Variants in GPHN observed in about 807,000 individuals in gnomAD.
The protein encoded by GPHN is gephyrin.
GPHN carries 17 observed loss-of-function variants against 95.5 expected under a neutral mutation model. The ratio of observed to expected loss-of-function variants is 0.18; its 90% CI spans 0.12 to 0.27. The LOEUF (loss-of-function observed/expected upper bound fraction) is 0.27, where lower values mean the gene tolerates loss of function less well. GPHN is among the 10% of genes least tolerant of loss of function. The pLI is 1.00. For missense variants in GPHN, 660 were observed against 978.1 expected (o/e 0.67, Z 4.34); for synonymous variants, 320 against 322.5 (o/e 0.99, Z 0.08).
Position 66,965,280 on chromosome 14 carries a change from T to G in GPHN, c.918T>G (p.Ala306=). 1 of 1,613,620 alleles carries G rather than the reference T, an allele frequency of 6.2e-7. No homozygotes were observed. Among genetic ancestry groups the G allele is most frequent in the Non-Finnish European group, 8.5e-7 (1 of 1,179,640 alleles). ...LSTTPSESPR[A]QATSRLSTAS... is the part of the protein sequence containing the mutation. ...CTACTCCTTCAGAATCGCCTCGTGC[T>G]CAGGCTACATCTCGCCTCTCTACAG... Residue 306 remains alanine, a synonymous_variant, in exon 9 of 23, where the codon GCT becomes GCG. Coordinates refer to ENST00000478722, the MANE Select transcript of GPHN (RefSeq NM_020806.5).
the GPHN span, among the ~76,000 whole-genome samples, chr14:67,523,322 C>CAA: frequency 5.3e-4 from 68 of 128,784 alleles, no homozygotes; most frequent in Admixed American, 1.9e-3. Flanking sequence ...GACTCCATCT[C>CAA]AAAAAAAAAA....
At chr14:67,691,646 T>C in the GPHN span, 1 of 170,928 alleles carries the variant, frequency 5.9e-6, no homozygotes, top group Non-Finnish European at 1.3e-5. Flanking sequence ...AAATACTGGC[T>C]TCACCTCTTT....
intron 9 of GPHN, among the ~76,000 whole-genome samples, chr14:67,019,758 C>T (rs944241347): frequency 6.6e-6 from 1 of 152,086 alleles, no homozygotes; most frequent in Non-Finnish European, 1.5e-5. Flanking sequence ...TCGCAGGGAA[C>T]GGTGATCAAA....
the GPHN span, among the ~76,000 whole-genome samples, chr14:67,388,886 C>A: frequency 1.3e-5 from 2 of 152,004 alleles, no homozygotes; most frequent in African/African-American, 4.8e-5. Context: ...ATCACCTTGG[C>A]CAGGCTGGTC....
chr14:66,792,762 A>T (rs560382004), intron 3 of GPHN, among the ~76,000 whole-genome samples: 4 of 152,176 alleles, frequency 2.6e-5, no homozygotes, highest in Non-Finnish European at 5.9e-5. Context: ...AAATATAGAG[A>T]TGTGAAGTGG....
intron 8 of GPHN, among the ~76,000 whole-genome samples, chr14:66,944,217 A>G (rs1028211949): frequency 2.0e-5 from 3 of 152,236 alleles, no homozygotes; most frequent in Non-Finnish European, 4.4e-5. Context: ...TCTGGCTTTC[A>G]AACTTTACTA....
chr14:66,572,013 A>T (rs1343025403), intron 1 of GPHN, among the ~76,000 whole-genome samples: 1 of 152,132 alleles, frequency 6.6e-6, no homozygotes, highest in Admixed American at 6.5e-5. Context: ...TCCCAATATC[A>T]TTTGTTGAAG....
chr14:66,965,451 G>A (rs184873672), intron 9 of GPHN, 126 bp downstream of exon 9: 2 of 875,346 alleles, frequency 2.3e-6, no homozygotes, highest in Middle Eastern at 2.2e-4. Flanking sequence ...AATGAATAAA[G>A]TGTAAGATAG....
At chr14:66,852,953 TA>T (rs2062653068) in intron 4 of GPHN, among the ~76,000 whole-genome samples, 1 of 152,222 alleles carries the variant, frequency 6.6e-6, no homozygotes, top group Non-Finnish European at 1.5e-5. Context: ...CTAATACACA[TA>T]AATGAGGGTA....
chr14:67,556,538 C>G, the GPHN span, among the ~76,000 whole-genome samples: 1 of 152,152 alleles, frequency 6.6e-6, no homozygotes, highest in East Asian at 1.9e-4. Flanking sequence ...CTCAACCTCC[C>G]AAAGTGCTGG....
At chr14:66,862,311 G>A (rs1427055304) in intron 4 of GPHN, among the ~76,000 whole-genome samples, 2 of 151,920 alleles carry the variant, frequency 1.3e-5, no homozygotes, top group Admixed American at 1.3e-4. Flanking sequence ...AACCTGAACA[G>A]AGCAATAACA....
chr14:67,400,205 A>G, the GPHN span, among the ~76,000 whole-genome samples: 4 of 152,332 alleles, frequency 2.6e-5, no homozygotes, highest in African/African-American at 9.6e-5. Flanking sequence ...TACTGTGACA[A>G]CTAAAGAACA....
At chr14:66,640,497 A>C (rs868841588) in intron 1 of GPHN, among the ~76,000 whole-genome samples, 2 of 152,224 alleles carry the variant, frequency 1.3e-5, no homozygotes, top group African/African-American at 4.8e-5. Context: ...CACATTAAAA[A>C]TGAACATGAA....
chr14:67,448,659 C>A, the GPHN span, among the ~76,000 whole-genome samples: 8 of 151,922 alleles, frequency 5.3e-5, no homozygotes, highest in Admixed American at 5.3e-4. Context: ...GGAGAGAGAG[C>A]AAAGGGAGAC....
chr14:66,742,353 A>G (rs983635103), intron 2 of GPHN, among the ~76,000 whole-genome samples: 3 of 152,200 alleles, frequency 2.0e-5, no homozygotes, highest in South Asian at 2.1e-4. Context: ...TTATGTATAT[A>G]TATATGATAT....
chr14:66,737,682 C>G (rs2072415916), intron 2 of GPHN, among the ~76,000 whole-genome samples: 1 of 152,202 alleles, frequency 6.6e-6, no homozygotes, highest in Admixed American at 6.5e-5. Flanking sequence ...CAGAGTCCAG[C>G]AAATACTGGC....
chr14:66,974,476 G>A (rs778775685), intron 9 of GPHN, among the ~76,000 whole-genome samples: 1 of 151,992 alleles, frequency 6.6e-6, no homozygotes, highest in Admixed American at 6.6e-5. Flanking sequence ...GAAGCTAAAT[G>A]TAACAACTAT....
At position 66,576,863 on chromosome 14, in the gene GPHN, C is replaced by T. The variant is rs753785427; in HGVS notation, c.64+68272C>T. Among the ~76,000 whole-genome samples the T allele has an allele frequency of 1.1e-3, 170 of 151,970 alleles. 1 individual carries two copies. Among genetic ancestry groups the T allele is most frequent in the Non-Finnish European group, 1.3e-3 (91 of 67,972 alleles). On this transcript the variant is annotated intron_variant, in intron 1 of 22. Transcript: ENST00000478722. ...CTCTTTTTCTTTCTAGAATGAATTC[C>T]AACCATTTAAATAATTCATAATTTG... is the stretch of plus-strand genomic sequence containing the variant.
chr14:67,190,069 T>C, the GPHN span, among the ~76,000 whole-genome samples: 1 of 95,054 alleles, frequency 1.1e-5, no homozygotes, highest in Non-Finnish European at 2.0e-5. Context: ...GCCCAGCTAA[T>C]TTTTTTTTTT....
Sources: allele counts gnomAD v4.1 joint callset (sites outside exome capture counted in the v4.1 genomes callset), GRCh38; gene constraint gnomAD v4.1.1; transcripts MANE v1.5; gene names NCBI Gene and HGNC (gene_info 2026-07-23, HGNC 2026-07-21).